The following ERBB4 variants were observed in gnomAD, a reference collection of about 807,000 sequenced individuals.
ERBB4 encodes erb-b2 receptor tyrosine kinase 4.
ERBB4 carries 42 observed loss-of-function variants against 158.0 expected under a neutral mutation model. That is an observed-to-expected ratio of 0.27 (90% confidence interval 0.21 to 0.34). The LOEUF (loss-of-function observed/expected upper bound fraction) is 0.34. Ranked by LOEUF, ERBB4 falls within the 10% of genes least tolerant of loss-of-function variation. The probability of loss-of-function intolerance (pLI) is 1.00; values close to 1 mark genes in which losing one functional copy is unlikely to be tolerated. For synonymous variants in ERBB4, 583 were observed against 558.7 expected (o/e 1.04, Z -0.61); for missense variants, 1,333 against 1,624.1 (o/e 0.82, Z 3.08).
intron 1 of ERBB4, among the ~76,000 whole-genome samples, chr2:212,201,051 A>T (rs1434609399): frequency 2.6e-5 from 4 of 152,196 alleles, no homozygotes; most frequent in African/African-American, 4.8e-5. Flanking sequence ...AAGAAAACCC[A>T]ACAAAAATTC....
At chr2:212,518,983 A>G (rs1157182455) in intron 1 of ERBB4, among the ~76,000 whole-genome samples, 2 of 151,902 alleles carry the variant, frequency 1.3e-5, no homozygotes, top group East Asian at 3.9e-4. Context: ...CTGTTATATC[A>G]TCTCCCCTGA....
intron 20 of ERBB4, among the ~76,000 whole-genome samples, chr2:211,433,586 TAAAATA>T (rs1461717358): frequency 6.7e-6 from 1 of 148,252 alleles, no homozygotes; most frequent in Non-Finnish European, 1.5e-5. Context: ...CAAAAAAAAA[TAAAATA>T]AAATAAAAAA....
chr2:211,716,395 G>T (rs1431185294), intron 7 of ERBB4, among the ~76,000 whole-genome samples: 2 of 98,886 alleles, frequency 2.0e-5, no homozygotes, highest in Non-Finnish European at 3.9e-5. Flanking sequence ...AAAAAAAAAA[G>T]GCCGGGCGCA....
intron 6 of ERBB4, among the ~76,000 whole-genome samples, chr2:211,724,361 TA>T (rs796374773): frequency 4.0e-5 from 6 of 150,704 alleles, no homozygotes; most frequent in Admixed American, 6.6e-5. Context: ...TTTTTTTTTT[TA>T]AAAAAAGCTC....
intron 3 of ERBB4, among the ~76,000 whole-genome samples, chr2:211,918,927 G>A (rs547233574): frequency 2.0e-5 from 3 of 151,962 alleles, no homozygotes; most frequent in Non-Finnish European, 4.4e-5. Context: ...GGTGATTTTT[G>A]TCACCACCAC....
At chr2:211,756,240 G>A (rs1024965755) in intron 4 of ERBB4, among the ~76,000 whole-genome samples, 2 of 152,134 alleles carry the variant, frequency 1.3e-5, no homozygotes, top group Non-Finnish European at 2.9e-5. Flanking sequence ...ATATAGGTAT[G>A]TATAAAGTGG....
At chr2:212,407,526 G>A (rs1293910605) in intron 1 of ERBB4, among the ~76,000 whole-genome samples, 1 of 151,988 alleles carries the variant, frequency 6.6e-6, no homozygotes, top group Non-Finnish European at 1.5e-5. Context: ...CAAAATGCAT[G>A]TTCTTCACCA....
chr2:211,928,073 CAA>C (rs911778899), intron 3 of ERBB4, among the ~76,000 whole-genome samples: 8 of 152,022 alleles, frequency 5.3e-5, no homozygotes, highest in Non-Finnish European at 1.2e-4. Flanking sequence ...CTTTCAGAAA[CAA>C]CACCATTTAA....
chr2:211,420,396 T>C, intron 25 of ERBB4, 45 bp downstream of exon 25: 1 of 1,354,442 alleles, frequency 7.4e-7, no homozygotes, highest in Non-Finnish European at 1.0e-6. Context: ...TACATGATTT[T>C]ATATCTCAGA....
At chr2:211,766,962 T>G (rs1031251892) in intron 4 of ERBB4, among the ~76,000 whole-genome samples, 1 of 152,164 alleles carries the variant, frequency 6.6e-6, no homozygotes, top group African/African-American at 2.4e-5. Context: ...TCAGTCTGTT[T>G]GGTCACCTTC....
chr2:211,479,831 A>G (rs1179422727), intron 20 of ERBB4, among the ~76,000 whole-genome samples: 1 of 152,192 alleles, frequency 6.6e-6, no homozygotes. Context: ...AAATTACAAT[A>G]TGTTATATAT....
At chr2:212,485,692 T>C (rs900599790) in intron 1 of ERBB4, among the ~76,000 whole-genome samples, 1 of 152,134 alleles carries the variant, frequency 6.6e-6, no homozygotes, top group African/African-American at 2.4e-5. Flanking sequence ...TACCATAAAC[T>C]GGGTGGTTTA....
At chr2:212,013,543 A>G (rs2076440496) in intron 2 of ERBB4, among the ~76,000 whole-genome samples, 1 of 152,218 alleles carries the variant, frequency 6.6e-6, no homozygotes, top group African/African-American at 2.4e-5. Flanking sequence ...TCAAATTAAG[A>G]TAAGGTTACA....
At chr2:212,493,022 C>T (rs1041785764) in intron 1 of ERBB4, among the ~76,000 whole-genome samples, 16 of 151,226 alleles carry the variant, frequency 1.1e-4, no homozygotes, top group Non-Finnish European at 1.5e-4. Flanking sequence ...ATGTTTATTT[C>T]TTATGTTAAA....
At chr2:211,996,485 G>C (rs937773769) in intron 2 of ERBB4, among the ~76,000 whole-genome samples, 2 of 151,878 alleles carry the variant, frequency 1.3e-5, no homozygotes, top group African/African-American at 4.8e-5. Flanking sequence ...ATGACTATAA[G>C]GGAGATATTA....
chr2:212,096,577 T>C (rs2078939651), intron 2 of ERBB4, among the ~76,000 whole-genome samples: 1 of 152,140 alleles, frequency 6.6e-6, no homozygotes, highest in South Asian at 2.1e-4. Flanking sequence ...TTTAGATGAG[T>C]AAGTCATTGA....
At chr2:212,356,136 G>T (rs1445257620) in intron 1 of ERBB4, among the ~76,000 whole-genome samples, 2 of 151,978 alleles carry the variant, frequency 1.3e-5, no homozygotes, top group Non-Finnish European at 2.9e-5. Context: ...TCTGTAAAAT[G>T]CTGATTCTAT....
At chr2:211,642,924 G>A (rs1382713915) in intron 16 of ERBB4, among the ~76,000 whole-genome samples, 2 of 152,072 alleles carry the variant, frequency 1.3e-5, no homozygotes, top group Non-Finnish European at 2.9e-5. Flanking sequence ...AAGCTGATAC[G>A]TGTTTAACAT....
At chr2:212,409,858 T>A (rs1479904701) in intron 1 of ERBB4, among the ~76,000 whole-genome samples, 1 of 152,106 alleles carries the variant, frequency 6.6e-6, no homozygotes, top group Non-Finnish European at 1.5e-5. Context: ...ACTCTCATAA[T>A]ACATCACATC....
Sources: allele counts gnomAD v4.1 joint callset (sites outside exome capture counted in the v4.1 genomes callset), GRCh38; gene constraint gnomAD v4.1.1; transcripts MANE v1.5; gene names NCBI Gene and HGNC (gene_info 2026-07-23, HGNC 2026-07-21).